Variants in B4GALT6 observed in about 807,000 individuals in gnomAD.
B4GALT6 encodes the protein UDP-Gal:beta-GlcNAc beta-1,4-galactosyltransferase 6.
In B4GALT6, 14 loss-of-function variants were observed where a neutral mutation model predicts 46.3. That is an observed-to-expected ratio of 0.30 (90% CI 0.20 to 0.47). The LOEUF is 0.47. Ranked by LOEUF, B4GALT6 falls within the 20% of genes least tolerant of loss-of-function variation. B4GALT6 has a pLI of 0.99. For synonymous variants in B4GALT6, 168 were observed against 162.0 expected (o/e 1.04, Z -0.28); for missense variants, 386 against 480.1 (o/e 0.80, Z 1.83).
At chr18:31,634,808 C>G (rs2073837314) in intron 5 of B4GALT6, among the ~76,000 whole-genome samples, 1 of 152,190 alleles carries the variant, frequency 6.6e-6, no homozygotes, top group South Asian at 2.1e-4. Flanking sequence ...ATCAAATACA[C>G]AGTCCTGAAT....
the B4GALT6 span, among the ~76,000 whole-genome samples, chr18:31,698,891 C>T: frequency 3.3e-5 from 5 of 151,798 alleles, no homozygotes; most frequent in East Asian, 2.0e-4. Context: ...GCCAACATGG[C>T]GAAACCCTGT....
chr18:31,714,062 G>A, the B4GALT6 span, among the ~76,000 whole-genome samples: 1 of 152,156 alleles, frequency 6.6e-6, no homozygotes, highest in Admixed American at 6.5e-5. Flanking sequence ...GTATGGACTT[G>A]ACCTTGGCCC....
At position 31,666,253 on chromosome 18, in the gene B4GALT6, T is replaced by C. The variant is rs2074280979; in HGVS notation, c.232+3A>G. The C allele has an allele frequency of 6.4e-7, 1 of 1,552,372 alleles. No individual in the cohort carries two copies. Among genetic ancestry groups the C allele is most frequent in the Non-Finnish European group, 8.8e-7 (1 of 1,133,694 alleles). ...CAAGGGGTTAAGCAGGAAGTAGTCT[T>C]ACCTGTACCGTTGAGCGTACTGTTT... On this transcript the variant is annotated splice_donor_region_variant and intron_variant, in intron 2 of 8. Coordinates refer to ENST00000306851, the MANE Select transcript of B4GALT6 (RefSeq NM_004775.5).
chr18:31,652,390 G>A (rs921862373), intron 3 of B4GALT6, among the ~76,000 whole-genome samples: 1 of 151,974 alleles, frequency 6.6e-6, no homozygotes, highest in African/African-American at 2.4e-5. Context: ...AGACACAGCA[G>A]TCTTGTCTCT....
chr18:31,723,661 C>A, the B4GALT6 span, among the ~76,000 whole-genome samples: 3 of 152,096 alleles, frequency 2.0e-5, no homozygotes, highest in Admixed American at 1.3e-4. Context: ...GCAGCCCCTG[C>A]CTAATAGGGT....
chr18:31,658,159 G>T (rs1346888288), intron 2 of B4GALT6, 70 bp from the exon 3 acceptor site: 3 of 1,084,810 alleles, frequency 2.8e-6, no homozygotes, highest in Non-Finnish European at 1.4e-6. Context: ...AATGAAATAC[G>T]TCACTATCAC....
chr18:31,723,950 A>ACCCAC, the B4GALT6 span, among the ~76,000 whole-genome samples: 4,920 of 150,248 alleles, frequency 0.033, 212 homozygotes, highest in African/African-American at 0.12. Context: ...CGCACCTCCA[A>ACCCAC]CCCACCCCAC....
chr18:31,625,712 T>C lies in B4GALT6; in HGVS notation c.1051A>G (p.Asn351Asp). Residue 351 changes from asparagine (N) to aspartate (D), a missense_variant, in exon 9 of 9, where the codon AAC (asparagine) becomes GAC (aspartate). By Grantham distance (23) the Asn-to-Asp change is conservative. Around this residue, in one of 2 missense-constraint regions of B4GALT6, gnomAD observed 323 missense variants for 438.9 expected, o/e 0.74. Transcript: ENST00000306851. ...SKERQYIDGL[N>D]NLIYRPKILV... ...ATTTTTGGCCTATATATTAAATTGT[T>C]CAGTCCATCGATGTACTGACGCTCC... The C allele has an allele frequency of 1.2e-6, 2 of 1,613,614 alleles. No individual in the cohort carries two copies. Among genetic ancestry groups the C allele is most frequent in the Non-Finnish European group, 1.7e-6 (2 of 1,179,792 alleles).
chr18:31,664,376 G>A (rs1567976936), intron 2 of B4GALT6, among the ~76,000 whole-genome samples: 1 of 152,152 alleles, frequency 6.6e-6, no homozygotes, highest in Non-Finnish European at 1.5e-5. Flanking sequence ...TGTATACAAT[G>A]ACTGTTTCCT....
chr18:31,653,505 C>T (rs1014159686), intron 3 of B4GALT6, among the ~76,000 whole-genome samples: 1 of 129,668 alleles, frequency 7.7e-6, no homozygotes, highest in South Asian at 2.5e-4. Flanking sequence ...TGCAGTGGTG[C>T]GATCTCGGCT....
chr18:31,667,426 AT>A (rs2074295318), intron 1 of B4GALT6, among the ~76,000 whole-genome samples: 1 of 152,202 alleles, frequency 6.6e-6, no homozygotes, highest in South Asian at 2.1e-4. Flanking sequence ...CCAAAGATGA[AT>A]GCTGAATGAA....
In B4GALT6 at chr18:31,623,036, G is replaced by T. The variant is rs1473933332; in HGVS notation, c.*2578C>A. On this transcript the variant is annotated 3_prime_UTR_variant, in exon 9 of 9. Transcript: ENST00000306851. Reference sequence around the variant, plus strand: ...GAAGATGTCTTCATAATTTCAGAAAGATCTCAATTTGCTTGACTTCATTTG... The same window carrying T: ...GAAGATGTCTTCATAATTTCAGAAATATCTCAATTTGCTTGACTTCATTTG... 5 of 152,024 alleles carry T rather than the reference G, an allele frequency of 3.3e-5. No homozygotes were observed. The highest frequency in any genetic ancestry group is 1.2e-4 in the African/African-American group (5 of 41,420). The allele number at this position is 152,024 out of a possible 1,614,324, so 9.4% of individuals were successfully genotyped here. A position where few individuals can be genotyped will look rare whatever the true frequency, so the allele number is the denominator to read the frequency against.
chr18:31,715,671 C>T, the B4GALT6 span, among the ~76,000 whole-genome samples: 23 of 149,386 alleles, frequency 1.5e-4, no homozygotes, highest in Admixed American at 1.3e-3. Flanking sequence ...CTGCCTTATC[C>T]TCCTGAGTAG....
chr18:31,676,402 T>C (rs1186236274), intron 1 of B4GALT6, among the ~76,000 whole-genome samples: 8 of 152,242 alleles, frequency 5.3e-5, no homozygotes, highest in African/African-American at 1.9e-4. Context: ...CTGAGTAACC[T>C]ATAATGCTAT....
upstream of B4GALT6, among the ~76,000 whole-genome samples, chr18:31,688,394 T>C (rs1027277902): frequency 1.3e-5 from 2 of 151,610 alleles, no homozygotes; most frequent in Non-Finnish European, 2.9e-5. Flanking sequence ...TTATTTAGAT[T>C]ATATAAAAGA....
intron 3 of B4GALT6, among the ~76,000 whole-genome samples, chr18:31,649,842 A>C (rs918090727): frequency 2.6e-5 from 4 of 152,254 alleles, no homozygotes; most frequent in Admixed American, 6.5e-5. Flanking sequence ...TGTGGAAAGC[A>C]GTTTGGAGAT....
the B4GALT6 span, among the ~76,000 whole-genome samples, chr18:31,721,043 G>A: frequency 2.6e-5 from 4 of 152,208 alleles, no homozygotes; most frequent in Non-Finnish European, 5.9e-5. Flanking sequence ...AAGTGTTCTT[G>A]TGCATTCTGC....
intron 3 of B4GALT6, among the ~76,000 whole-genome samples, chr18:31,652,850 GCTC>G (rs562923133): frequency 3.8e-4 from 58 of 152,222 alleles, no homozygotes; most frequent in African/African-American, 1.4e-3. Context: ...CCTGCAGCAA[GCTC>G]CTCATTGGTC....
At chr18:31,668,602 CTG>C (rs1310723021) in intron 1 of B4GALT6, among the ~76,000 whole-genome samples, 19 of 152,066 alleles carry the variant, frequency 1.2e-4, no homozygotes, top group African/African-American at 4.6e-4. Flanking sequence ...ATAAAATAGA[CTG>C]TACACATTGC....
Sources: allele counts gnomAD v4.1 joint callset (sites outside exome capture counted in the v4.1 genomes callset), GRCh38; gene constraint gnomAD v4.1.1; regional missense constraint gnomAD v4.1.1; transcripts MANE v1.5; gene names NCBI Gene and HGNC (gene_info 2026-07-23, HGNC 2026-07-21).